The following MPDZ variants were observed in gnomAD, a reference collection of about 807,000 sequenced individuals.
The protein encoded by MPDZ is multiple PDZ domain crumbs cell polarity complex component, also known as multiple PDZ domain protein.
In MPDZ, 234 loss-of-function variants were observed where a neutral mutation model predicts 239.1. That is an observed-to-expected ratio of 0.98 (90% CI 0.88 to 1.09). The LOEUF (loss-of-function observed/expected upper bound fraction) is 1.09, where lower values mean the gene tolerates loss of function less well. MPDZ is among the 50% of genes least tolerant of loss of function. The pLI is 0.00. For synonymous variants in MPDZ, 1,048 were observed against 881.3 expected, an observed-to-expected ratio of 1.19 and a Z score of -3.35; for missense variants, 3,175 against 2,510.0, an observed-to-expected ratio of 1.26 and a Z score of -5.66.
chr9:13,137,658 C>T (rs1947017891), intron 29 of MPDZ, among the ~76,000 whole-genome samples: 1 of 152,076 alleles, frequency 6.6e-6, no homozygotes, highest in Admixed American at 6.5e-5. Flanking sequence ...TTCAAAAACT[C>T]CTAATAAAAA....
rs184515458 is a variant in MPDZ at position 13,201,985 on chromosome 9, T to A, written c.1546+3051A>T. On this transcript the variant is annotated intron_variant, in intron 12 of 46. Coordinates refer to ENST00000319217, the MANE Select transcript of MPDZ (RefSeq NM_001378778.1). ...TTCTGCGTCCATTGCTGGAGGTTTGTTGGTTTCTTTTGGTAGTATCCTATT... is the reference window on the plus strand; with the variant it reads ...TTCTGCGTCCATTGCTGGAGGTTTGATGGTTTCTTTTGGTAGTATCCTATT... 6.6e-5 allele frequency among the ~76,000 whole-genome samples: 10 copies of A among 152,282 alleles called. No individual in the cohort carries two copies. In the East Asian group the frequency reaches 1.6e-3, roughly 24 times the overall value.
chr9:13,212,439 G>T (rs1054458283), intron 10 of MPDZ, among the ~76,000 whole-genome samples: 3 of 152,032 alleles, frequency 2.0e-5, no homozygotes, highest in African/African-American at 7.2e-5. Flanking sequence ...GAGTAAAGAA[G>T]TGAGTAATAA....
chr9:13,185,254 C>G (rs1953939259), intron 18 of MPDZ, among the ~76,000 whole-genome samples: 1 of 151,912 alleles, frequency 6.6e-6, no homozygotes. Context: ...TTTCAAATGG[C>G]TATTTCAAGA....
intron 1 of MPDZ, among the ~76,000 whole-genome samples, chr9:13,277,333 T>C (rs1398038096): frequency 6.6e-6 from 1 of 152,028 alleles, no homozygotes; most frequent in Non-Finnish European, 1.5e-5. Flanking sequence ...AAGGAACATA[T>C]GTAAGAAATA....
rs184522368 is a variant in MPDZ, at chr9:13,251,091, C to T, written c.-57-719G>A. Among the ~76,000 whole-genome samples, 623 of 139,374 alleles carry T rather than the reference C, an allele frequency of 4.5e-3. 13 individuals carry two copies. Among genetic ancestry groups the T allele is most frequent in the Admixed American group, 0.035 (472 of 13,460 alleles). 91.4% of individuals were successfully genotyped at this position (139,374 alleles called of 152,430 possible). On this transcript the variant is annotated intron_variant, in intron 1 of 46. Coordinates refer to ENST00000319217, the MANE Select transcript of MPDZ (RefSeq NM_001378778.1). ...TTGCGGTGAGCCGAGATCATGCCAC[C>T]GCACTCCAGCCTGGGCCACAGAACA...
At chr9:13,278,527 T>C (rs994709130) in intron 1 of MPDZ, among the ~76,000 whole-genome samples, 2 of 152,154 alleles carry the variant, frequency 1.3e-5, no homozygotes, top group African/African-American at 2.4e-5. Context: ...AACAAAAATG[T>C]ACACCATCAC....
In MPDZ at chr9:13,162,676, T is replaced by C. The variant is rs756887835; in HGVS notation, c.3359+15A>G. 1.4e-5 allele frequency: 21 copies of C among 1,548,616 alleles called. No individual in the cohort carries two copies. Among genetic ancestry groups the C allele is most frequent in the Non-Finnish European group, 1.8e-5 (20 of 1,122,868 alleles). On this transcript the variant is annotated intron_variant, in intron 23 of 46. Coordinates refer to ENST00000319217, the MANE Select transcript of MPDZ (RefSeq NM_001378778.1). Reference sequence around the variant, plus strand: ...GCTGTACCATTCATTGTATTAGATTTAATGTTTCACTTACCTGCCAGTGTA... The same window carrying C: ...GCTGTACCATTCATTGTATTAGATTCAATGTTTCACTTACCTGCCAGTGTA...
At chr9:13,231,684 T>A (rs1962525026) in intron 3 of MPDZ, among the ~76,000 whole-genome samples, 1 of 147,574 alleles carries the variant, frequency 6.8e-6, no homozygotes, top group African/African-American at 2.5e-5. Context: ...CTTCCCATTT[T>A]TTTTTTCTGA....
intron 46 of MPDZ, among the ~76,000 whole-genome samples, chr9:13,108,064 T>A (rs930891682): frequency 5.3e-5 from 8 of 152,090 alleles, no homozygotes; most frequent in African/African-American, 1.9e-4. Flanking sequence ...AAAAAAAAGA[T>A]CTTTTCCAAA....
At chr9:13,147,223 T>G (rs1049470299) in intron 26 of MPDZ, among the ~76,000 whole-genome samples, 4 of 152,066 alleles carry the variant, frequency 2.6e-5, no homozygotes, top group Non-Finnish European at 4.4e-5. Flanking sequence ...ATGATTAACC[T>G]GAATTATGAT....
chr9:13,161,302 G>C (rs1470791485), intron 23 of MPDZ, among the ~76,000 whole-genome samples: 1 of 152,068 alleles, frequency 6.6e-6, no homozygotes, highest in South Asian at 2.1e-4. Context: ...AGGCATGGCG[G>C]CTCACGCTTA....
intron 41 of MPDZ, 25 bp downstream of exon 41, chr9:13,113,906 G>T: frequency 6.5e-7 from 1 of 1,542,242 alleles, no homozygotes. Context: ...TTCAAACCAT[G>T]TTTAAAATAC....
chr9:13,186,155 T>A, intron 18 of MPDZ, 115 bp downstream of exon 18: 1 of 500,166 alleles, frequency 2.0e-6, no homozygotes. Flanking sequence ...CATGTTTATC[T>A]TTCCAAATAT....
rs182984494 is a variant in MPDZ at position 13,156,948 on chromosome 9, G to C, written c.3452+1070C>G. Reference sequence around the variant, plus strand: ...ATAGAGAGCTTGGGATTTTTTAAGTGAGTTAAGTGACTTTTGATGAAATTC... The same window carrying C: ...ATAGAGAGCTTGGGATTTTTTAAGTCAGTTAAGTGACTTTTGATGAAATTC... On this transcript the variant is annotated intron_variant, in intron 24 of 46. Transcript: ENST00000319217. Among the ~76,000 whole-genome samples, 547 of 152,260 alleles carry C rather than the reference G, an allele frequency of 3.6e-3. 3 individuals are homozygous for C. Among genetic ancestry groups the C allele is most frequent in the African/African-American group, 0.012 (506 of 41,548 alleles).
chr9:13,216,740 A>G, intron 10 of MPDZ, 34 bp downstream of exon 10: 3 of 1,475,470 alleles, frequency 2.0e-6, no homozygotes, highest in Non-Finnish European at 9.4e-7. Context: ...CAACCATGAA[A>G]ATTAACAAAG....
At chr9:13,242,564 TG>T (rs35741616) in intron 3 of MPDZ, among the ~76,000 whole-genome samples, 17,802 of 151,556 alleles carry the variant, frequency 0.12, 1,170 homozygotes, top group Non-Finnish European at 0.13. Flanking sequence ...GCTAAAATAA[TG>T]TACATACTAG....
At chr9:13,197,722 G>A (rs1955829484) in intron 12 of MPDZ, among the ~76,000 whole-genome samples, 1 of 151,752 alleles carries the variant, frequency 6.6e-6, no homozygotes, top group Non-Finnish European at 1.5e-5. Context: ...TTGTATTTTT[G>A]TACCCAGTAA....
intron 12 of MPDZ, among the ~76,000 whole-genome samples, chr9:13,203,728 CCACACACACACACACA>C (rs58472339): frequency 2.1e-4 from 29 of 140,462 alleles, no homozygotes; most frequent in South Asian, 7.4e-4. Flanking sequence ...ATGTATCCTG[CCACACACACACACACA>C]CACACACACA....
At position 13,221,514 on chromosome 9, in the gene MPDZ, T is replaced by C; in HGVS notation, c.748-14A>G. ...TTGCCAGTGAACCTACAAACAAAGC[T>C]CATATATGAATTTGTAGAAATTTAC... On this transcript the variant is annotated splice_polypyrimidine_tract_variant and intron_variant, in intron 6 of 46. Coordinates refer to ENST00000319217, the MANE Select transcript of MPDZ (RefSeq NM_001378778.1). 6.2e-7 allele frequency: 1 copy of C among 1,603,878 alleles called. No homozygotes were observed. The highest frequency in any genetic ancestry group is 8.5e-7 in the Non-Finnish European group (1 of 1,174,938).
Sources: gnomAD v4.1 joint callset for allele counts (sites outside exome capture counted in the v4.1 genomes callset) on GRCh38, gnomAD v4.1.1 for gene constraint, MANE v1.5 for transcripts, NCBI Gene and HGNC (gene_info 2026-07-23, HGNC 2026-07-21) for gene names.